Variants in RCSD1 observed in about 807,000 individuals in gnomAD.
RCSD1 encodes RCSD domain containing 1.
A neutral mutation model predicts 42.5 loss-of-function variants in RCSD1; 26 were observed. That is an observed-to-expected ratio of 0.61 (90% CI 0.45 to 0.85). The LOEUF (loss-of-function observed/expected upper bound fraction) is 0.85. Among genes scored for constraint, RCSD1 ranks in the 40% least tolerant of loss-of-function variants. RCSD1 has a pLI of 0.00. For synonymous variants in RCSD1, 220 were observed against 212.2 expected, an observed-to-expected ratio of 1.04 and a Z score of -0.32; for missense variants, 571 against 528.3, an observed-to-expected ratio of 1.08 and a Z score of -0.79.
At chr1:167,650,854 G>A (rs924924822) in intron 1 of RCSD1, among the ~76,000 whole-genome samples, 3 of 152,218 alleles carry the variant, frequency 2.0e-5, no homozygotes, top group African/African-American at 2.4e-5. Flanking sequence ...CTTCCCCGAG[G>A]CCAAGTTCAA....
At chr1:167,630,788 G>T (rs1262369512) in intron 1 of RCSD1, 2 of 185,478 alleles carry the variant, frequency 1.1e-5, no homozygotes, top group African/African-American at 2.6e-5. Flanking sequence ...ATGGGTAAAC[G>T]TGTCAGCAAA....
At chr1:167,672,452 A>G (rs147709898) in intron 1 of RCSD1, among the ~76,000 whole-genome samples, 3 of 152,296 alleles carry the variant, frequency 2.0e-5, no homozygotes, top group Non-Finnish European at 4.4e-5. Flanking sequence ...GCAGGGCTGC[A>G]TTTCTTCTGA....
chr1:167,659,758 A>G (rs1298591180), intron 1 of RCSD1, among the ~76,000 whole-genome samples: 4 of 152,006 alleles, frequency 2.6e-5, no homozygotes, highest in Admixed American at 2.0e-4. Flanking sequence ...TGCTCCTTAA[A>G]TGGAAGTTTT....
chr1:167,672,102 A>T (rs545007454), intron 1 of RCSD1, among the ~76,000 whole-genome samples: 2 of 152,234 alleles, frequency 1.3e-5, no homozygotes, highest in Non-Finnish European at 2.9e-5. Context: ...TCCTGCTCAG[A>T]AGGCCTCTTG....
rs1468893475 is a variant in RCSD1, at chr1:167,697,591, C to G, written c.967C>G (p.Gln323Glu). The change falls in exon 6 of 7, where the codon CAA (glutamine) becomes GAA (glutamate). Residue 323 changes from glutamine to glutamate, a missense_variant. By Grantham distance (29) the Gln-to-Glu change is conservative (BLOSUM62 2). Coordinates refer to ENST00000367854, the MANE Select transcript of RCSD1 (RefSeq NM_052862.4). Reference protein sequence around the residue: ...KATEVKGERVQNEEVGPEHDS... With the variant: ...KATEVKGERVENEEVGPEHDS... ...TACAGAGGTGAAGGGGGAGAGGGTG[C>G]AAAATGAAGAGGTGGGACCTGAACA... 1.2e-6 allele frequency: 2 copies of G among 1,607,604 alleles called. No homozygotes were observed. The highest frequency in any genetic ancestry group is 1.7e-6 in the Non-Finnish European group (2 of 1,177,226).
At chr1:167,669,562 T>C (rs758245125) in intron 1 of RCSD1, among the ~76,000 whole-genome samples, 3 of 152,270 alleles carry the variant, frequency 2.0e-5, no homozygotes, top group Non-Finnish European at 2.9e-5. Context: ...CTAGGCAAAG[T>C]GGCTTCCTCT....
intron 1 of RCSD1, among the ~76,000 whole-genome samples, chr1:167,636,580 G>GTT (rs112074484): frequency 0.034 from 5,065 of 150,660 alleles, 109 homozygotes; most frequent in Non-Finnish European, 0.037. Flanking sequence ...GCTTCTTTTT[G>GTT]TTTTTTTTTG....
chr1:167,660,430 T>C (rs962929180), intron 1 of RCSD1, among the ~76,000 whole-genome samples: 1 of 151,952 alleles, frequency 6.6e-6, no homozygotes, highest in African/African-American at 2.4e-5. Context: ...TCATGCCCCC[T>C]AGAGTTACAA....
intron 1 of RCSD1, among the ~76,000 whole-genome samples, chr1:167,666,193 C>T (rs952540126): frequency 6.6e-6 from 1 of 152,154 alleles, no homozygotes; most frequent in Non-Finnish European, 1.5e-5. Context: ...GTTGGGAGCA[C>T]AGGCTTTAAT....
chr1:167,630,636 G>A (rs1363915913), intron 1 of RCSD1: 1 of 383,704 alleles, frequency 2.6e-6, no homozygotes, highest in Non-Finnish European at 4.5e-6. Context: ...CGGGTTGGGA[G>A]GCTGGGGTTG....
Position 167,697,448 on chromosome 1 carries a change from A to C in RCSD1, c.824A>C (p.His275Pro), listed in dbSNP as rs368340531. 1.9e-6 allele frequency: 3 copies of C among 1,611,534 alleles called. No individual in the cohort carries two copies. Among genetic ancestry groups the C allele is most frequent in the Admixed American group, 1.7e-5 (1 of 59,436 alleles). Residue 275 changes from histidine to proline, a missense_variant, in exon 6 of 7, where the codon CAC becomes CCC. His to Pro is a moderately conservative substitution (Grantham distance 77). Transcript: ENST00000367854. ...AGTTCAGAGGAGGTGGACGGCCAGC[A>C]CCCGGCCCAAGAGGAGGTCCCGGAA... ...RRSSEEVDGQ[H>P]PAQEEVPESP...
chr1:167,697,905 C>T, intron 6 of RCSD1, 63 bp downstream of exon 6: 1 of 1,436,748 alleles, frequency 7.0e-7, no homozygotes, highest in East Asian at 2.5e-5. Flanking sequence ...GCCTCTGTCA[C>T]ATGTCCTGTT....
intron 6 of RCSD1, among the ~76,000 whole-genome samples, chr1:167,698,862 G>C (rs6692908): frequency 0.85 from 127,906 of 151,260 alleles, 54,397 homozygotes; most frequent in African/African-American, 0.95. Context: ...TGCAGTGGCG[G>C]GATCTCGGCT....
intron 1 of RCSD1, among the ~76,000 whole-genome samples, chr1:167,634,568 G>A (rs150368098): frequency 4.6e-5 from 7 of 152,272 alleles, no homozygotes; most frequent in East Asian, 1.9e-4. Context: ...AGCTGGAGGC[G>A]TATGATGTCA....
At chr1:167,682,409 T>TC (rs1268921099) in intron 1 of RCSD1, among the ~76,000 whole-genome samples, 1 of 152,150 alleles carries the variant, frequency 6.6e-6, no homozygotes, top group Non-Finnish European at 1.5e-5. Context: ...CCTCAAGTGA[T>TC]CAACTGCCTC....
intron 1 of RCSD1, among the ~76,000 whole-genome samples, chr1:167,655,395 CA>C (rs1459817647): frequency 6.6e-6 from 1 of 152,134 alleles, no homozygotes; most frequent in Non-Finnish European, 1.5e-5. Context: ...TTTTAGGGAT[CA>C]GGGAGATATT....
chr1:167,659,149 C>T lies in RCSD1; in HGVS notation c.7-24751C>T, dbSNP rs138637243. Among the ~76,000 whole-genome samples the T allele has an allele frequency of 5.3e-4, 80 of 152,270 alleles. 1 individual carries two copies. Among genetic ancestry groups the T allele is most frequent in the African/African-American group, 1.8e-3 (74 of 41,550 alleles). On this transcript the variant is annotated intron_variant, in intron 1 of 6. Coordinates refer to ENST00000367854, the MANE Select transcript of RCSD1 (RefSeq NM_052862.4). ...TAGTGTTAATTTAACTTGCATTTCC[C>T]TGACAAGTACTATCGTAAGTTTGAG...
chr1:167,647,397 C>T (rs1385905215), intron 1 of RCSD1, among the ~76,000 whole-genome samples: 3 of 148,846 alleles, frequency 2.0e-5, no homozygotes, highest in South Asian at 2.1e-4. Context: ...AAGATCAGCC[C>T]GGGCAACATA....
chr1:167,686,384 G>C (rs1278434351), intron 3 of RCSD1, among the ~76,000 whole-genome samples: 1 of 152,106 alleles, frequency 6.6e-6, no homozygotes, highest in Non-Finnish European at 1.5e-5. Context: ...ATGTGAACTT[G>C]GGCAAGCATC....
Sources: allele counts gnomAD v4.1 joint callset (sites outside exome capture counted in the v4.1 genomes callset), GRCh38; gene constraint gnomAD v4.1.1; transcripts MANE v1.5; gene names NCBI Gene and HGNC (gene_info 2026-07-23, HGNC 2026-07-21).